The following RYR2 variants were observed in gnomAD, a reference collection of about 807,000 sequenced individuals.
RYR2 encodes cardiac muscle ryanodine receptor-calcium release channel.
RYR2 carries 227 observed loss-of-function variants against 601.1 expected under a neutral mutation model. That is an observed-to-expected ratio of 0.38 (90% CI 0.34 to 0.42). The LOEUF (loss-of-function observed/expected upper bound fraction) is 0.42, where lower values mean the gene tolerates loss of function less well. Ranked by LOEUF, RYR2 falls within the 10% of genes least tolerant of loss-of-function variation. The probability of loss-of-function intolerance (pLI) is 1.00; values close to 1 mark genes in which losing one functional copy is unlikely to be tolerated. For synonymous variants in RYR2, 2,223 were observed against 2,175.1 expected, an observed-to-expected ratio of 1.02 and a Z score of -0.61; for missense variants, 4,646 against 6,156.5, an observed-to-expected ratio of 0.75 and a Z score of 8.21.
intron 100 of RYR2, among the ~76,000 whole-genome samples, chr1:237,813,474 C>T (rs769301408): frequency 1.3e-5 from 2 of 152,110 alleles, no homozygotes; most frequent in Non-Finnish European, 1.5e-5. Flanking sequence ...ACAGGGAGAC[C>T]CCAGCAACAT....
At chr1:237,359,747 C>T (rs901870146) in intron 4 of RYR2, among the ~76,000 whole-genome samples, 2 of 152,142 alleles carry the variant, frequency 1.3e-5, no homozygotes, top group Non-Finnish European at 1.5e-5. Flanking sequence ...TGTTTAATCA[C>T]AAGCCCACTG....
chr1:237,592,377 A>G (rs928383958), intron 32 of RYR2, among the ~76,000 whole-genome samples: 2 of 152,182 alleles, frequency 1.3e-5, no homozygotes, highest in Non-Finnish European at 2.9e-5. Flanking sequence ...TTAAACCTGT[A>G]ATCCCAGTAC....
chr1:237,133,619 T>A (rs1290713703), intron 1 of RYR2, among the ~76,000 whole-genome samples: 1 of 152,138 alleles, frequency 6.6e-6, no homozygotes, highest in African/African-American at 2.4e-5. Context: ...CCCCCAGTTG[T>A]TTGTCAGGAG....
intron 56 of RYR2, among the ~76,000 whole-genome samples, chr1:237,666,232 C>T (rs936711749): frequency 6.6e-6 from 1 of 152,104 alleles, no homozygotes; most frequent in South Asian, 2.1e-4. Context: ...TGTAATGATC[C>T]TCTGCATAAG....
At chr1:237,531,447 C>A (rs1572743554) in intron 25 of RYR2, among the ~76,000 whole-genome samples, 1 of 152,126 alleles carries the variant, frequency 6.6e-6, no homozygotes, top group Non-Finnish European at 1.5e-5. Context: ...CTTAAGTATT[C>A]AAGCTGCTTT....
chr1:237,300,434 T>G (rs1441695869), intron 2 of RYR2, among the ~76,000 whole-genome samples: 1 of 152,218 alleles, frequency 6.6e-6, no homozygotes, highest in Non-Finnish European at 1.5e-5. Flanking sequence ...TACTTCCTTT[T>G]GCAACCCAGT....
chr1:237,261,891 T>C (rs1341238540), intron 1 of RYR2, among the ~76,000 whole-genome samples: 2 of 152,178 alleles, frequency 1.3e-5, no homozygotes, highest in Non-Finnish European at 2.9e-5. Context: ...TCCATAGAAC[T>C]TTTCACCTTC....
chr1:237,566,887 A>G, intron 28 of RYR2, 112 bp downstream of exon 28: 1 of 1,079,774 alleles, frequency 9.3e-7, no homozygotes, highest in Non-Finnish European at 1.4e-6. Flanking sequence ...ACAAACGTGG[A>G]AAAATATTTC....
In RYR2 at chr1:237,144,283, A is replaced by G. The variant is rs945753343; in HGVS notation, c.48+101714A>G. On this transcript the variant is annotated intron_variant, in intron 1 of 104. Coordinates refer to ENST00000366574, the MANE Select transcript of RYR2 (RefSeq NM_001035.3). ...CAAGACAGACTACTCCTTAAGAAAGAGGACTCGACAGCACTATTTGTTACA... is the reference window on the plus strand; with the variant it reads ...CAAGACAGACTACTCCTTAAGAAAGGGGACTCGACAGCACTATTTGTTACA... Among the ~76,000 whole-genome samples, 12 of 152,340 alleles carry G rather than the reference A, an allele frequency of 7.9e-5. No homozygotes were observed. The East Asian group carries it at 2.3e-3, about 29-fold the overall frequency.
chr1:237,825,429 T>C (rs1441762126), intron 101 of RYR2, among the ~76,000 whole-genome samples: 1 of 152,222 alleles, frequency 6.6e-6, no homozygotes, highest in Non-Finnish European at 1.5e-5. Flanking sequence ...ATTCCCTATT[T>C]AATAAATTGT....
chr1:237,732,053 G>C lies in RYR2; in HGVS notation c.10943G>C (p.Gly3648Ala), dbSNP rs528573895. 2 of 1,598,218 alleles carry C rather than the reference G, an allele frequency of 1.3e-6. No homozygotes were observed. Among genetic ancestry groups the C allele is most frequent in the African/African-American group, 1.3e-5 (1 of 74,092 alleles). Reference protein sequence around the residue: ...DKLIEDLAKPGAEPPEEDEGT... With the variant: ...DKLIEDLAKPAAEPPEEDEGT... ...AATTTGACTTTTTTGCAGAAACCTG[G>C]GGCTGAACCTCCAGAAGAAGATGAA... The change falls in exon 78 of 105, where the codon GGG becomes GCG. Residue 3648 changes from glycine (G) to alanine (A), a missense_variant. Gly to Ala is a moderately conservative substitution (Grantham distance 60). Transcript: ENST00000366574.
Position 237,056,893 on chromosome 1 carries a change from G to A in RYR2, c.48+14324G>A, listed in dbSNP as rs115567975. The stretch of plus-strand genomic sequence containing the variant: ...GGAACAGGTTCCCCCTCCCACCCTC[G>A]GAAGGAACCAGCCCTGCTGACCCCA... On this transcript the variant is annotated intron_variant, in intron 1 of 104. Coordinates refer to ENST00000366574, the MANE Select transcript of RYR2 (RefSeq NM_001035.3). Among the ~76,000 whole-genome samples, 602 of 152,252 alleles carry A rather than the reference G, an allele frequency of 4.0e-3. 2 individuals are homozygous for A. The highest frequency in any genetic ancestry group is 0.014 in the African/African-American group (577 of 41,540).
At chr1:237,750,220 G>A (rs1692429820) in intron 80 of RYR2, among the ~76,000 whole-genome samples, 1 of 152,010 alleles carries the variant, frequency 6.6e-6, no homozygotes, top group African/African-American at 2.4e-5. Flanking sequence ...TCCTAGTTTA[G>A]TATTTAAAGA....
In RYR2 at chr1:237,469,198, T is replaced by C. The variant is rs1289754122; in HGVS notation, c.1708+11T>C. 4 of 1,587,010 alleles carry C rather than the reference T, an allele frequency of 2.5e-6. No individual in the cohort carries two copies. The highest frequency in any genetic ancestry group is 1.7e-4 in the Middle Eastern group (1 of 5,966). On this transcript the variant is annotated intron_variant, in intron 17 of 104. Coordinates refer to ENST00000366574, the MANE Select transcript of RYR2 (RefSeq NM_001035.3). ...TGGAAGCTTCTTCAGGTATGTTTTC[T>C]AGTTTTTTCCTTGTTGTGATAGATC...
At chr1:237,683,154 A>C (rs185489712) in intron 62 of RYR2, among the ~76,000 whole-genome samples, 7 of 152,348 alleles carry the variant, frequency 4.6e-5, no homozygotes, top group Non-Finnish European at 1.0e-4. Context: ...CCCTGCCACT[A>C]TGAATAAATA....
chr1:237,502,705 G>A (rs1456242942), intron 21 of RYR2, among the ~76,000 whole-genome samples: 1 of 152,030 alleles, frequency 6.6e-6, no homozygotes, highest in Non-Finnish European at 1.5e-5. Context: ...CTCCTCCCTT[G>A]TGCAGCCTGG....
At chr1:237,267,269 G>T (rs1407717228) in intron 1 of RYR2, among the ~76,000 whole-genome samples, 4 of 152,186 alleles carry the variant, frequency 2.6e-5, no homozygotes, top group Non-Finnish European at 5.9e-5. Flanking sequence ...CTGTAATCCT[G>T]GCGCTTTGGG....
chr1:237,383,848 C>T (rs139721564), intron 8 of RYR2, among the ~76,000 whole-genome samples: 39 of 152,220 alleles, frequency 2.6e-4, no homozygotes, highest in African/African-American at 8.2e-4. Context: ...GTGCCCAAAG[C>T]CCTTGTACTG....
intron 1 of RYR2, among the ~76,000 whole-genome samples, chr1:237,241,539 G>T (rs140746575): frequency 6.6e-6 from 1 of 152,118 alleles, no homozygotes; most frequent in African/African-American, 2.4e-5. Flanking sequence ...TTGGCTTCAC[G>T]CAGGAAAGAA....
Sources: allele counts gnomAD v4.1 joint callset (sites outside exome capture counted in the v4.1 genomes callset), GRCh38; gene constraint gnomAD v4.1.1; transcripts MANE v1.5; gene names NCBI Gene and HGNC (gene_info 2026-07-23, HGNC 2026-07-21).